Variants in SMYD5 observed in about 807,000 individuals in gnomAD.
SMYD5 encodes SMYD family member 5.
A neutral mutation model predicts 57.4 loss-of-function variants in SMYD5; 35 were observed. The ratio of observed to expected loss-of-function variants is 0.61; its 90% CI spans 0.47 to 0.81. The LOEUF (loss-of-function observed/expected upper bound fraction) is 0.81. SMYD5 is among the 30% of genes least tolerant of loss of function. SMYD5 has a pLI of 0.00. For missense variants in SMYD5, 471 were observed against 527.9 expected (o/e 0.89, Z 1.06); for synonymous variants, 198 against 189.7 (o/e 1.04, Z -0.36).
At chr2:73,225,044 A>C (rs909991745) in intron 11 of SMYD5, 84 bp downstream of exon 11, 1 of 975,066 alleles carries the variant, frequency 1.0e-6, no homozygotes, top group Non-Finnish European at 1.6e-6. Flanking sequence ...CAGTGGCTAG[A>C]GCACCTTGAA....
At chr2:73,223,395 C>T in intron 8 of SMYD5, 31 bp from the exon 9 acceptor site, 1 of 1,507,490 alleles carries the variant, frequency 6.6e-7, no homozygotes, top group Non-Finnish European at 9.2e-7. Flanking sequence ...GCTTCTGCCT[C>T]CCCAACCATG....
chr2:73,219,453 C>T (rs935839063), intron 2 of SMYD5, among the ~76,000 whole-genome samples: 1 of 152,188 alleles, frequency 6.6e-6, no homozygotes, highest in Non-Finnish European at 1.5e-5. Flanking sequence ...GCAATCTCGG[C>T]TCTCTGCAAC....
At position 73,215,397 on chromosome 2, in the gene SMYD5, T is replaced by A. The variant is rs116643476; in HGVS notation, c.96+1035T>A. Among the ~76,000 whole-genome samples the A allele has an allele frequency of 2.9e-3, 441 of 152,328 alleles. 1 individual carries two copies. The highest frequency in any genetic ancestry group is 0.01 in the African/African-American group (430 of 41,582). On this transcript the variant is annotated intron_variant, in intron 1 of 12. Transcript: ENST00000389501. ...ACCTCTAGTTGTCTGTTGTCTGCTC[T>A]CAGCGTCATCATATTGATCTAGTTT...
At chr2:73,219,146 T>G (rs551109295) in intron 2 of SMYD5, among the ~76,000 whole-genome samples, 177 bp downstream of exon 2, 3 of 152,226 alleles carry the variant, frequency 2.0e-5, no homozygotes, top group African/African-American at 7.2e-5. Context: ...TGTTTGAGGC[T>G]TATTCCTGTG....
At chr2:73,223,669 G>C in intron 9 of SMYD5, 137 bp downstream of exon 9, 1 of 714,038 alleles carries the variant, frequency 1.4e-6, no homozygotes. Flanking sequence ...GGGAGCTTCA[G>C]ATCTGTCCAC....
rs777117610 is a variant in SMYD5, at chr2:73,221,853, C to T, written c.565C>T (p.Leu189Phe). The T allele has an allele frequency of 1.2e-6, 2 of 1,613,904 alleles. No homozygotes were observed. Among genetic ancestry groups the T allele is most frequent in the South Asian group, 1.1e-5 (1 of 91,080 alleles). ...QAKDKDRWIR[L>F]FSQFCNKTAN... is the part of the protein sequence containing the mutation. Reference sequence around the variant, plus strand: ...GAAGGACAAGGACCGTTGGATCAGACTCTTTTCCCAGTTTTGTAACAAAAC... The same window carrying T: ...GAAGGACAAGGACCGTTGGATCAGATTCTTTTCCCAGTTTTGTAACAAAAC... Residue 189 changes from leucine (L) to phenylalanine (F), a missense_variant, in exon 6 of 13, where the codon CTC becomes TTC. Physicochemically the swap from Leu to Phe is conservative, Grantham distance 22. Coordinates refer to ENST00000389501, the MANE Select transcript of SMYD5 (RefSeq NM_006062.3).
At chr2:73,222,860 C>G in intron 7 of SMYD5, 43 bp downstream of exon 7, 1 of 1,587,568 alleles carries the variant, frequency 6.3e-7, no homozygotes, top group Non-Finnish European at 8.6e-7. Flanking sequence ...CTTGTTACTC[C>G]AGCTCTCCAG....
rs540787715 is a variant in SMYD5, at chr2:73,220,177, G to C, written c.332G>C (p.Cys111Ser). Reference protein sequence around the residue: ...CTVRKDLHQNCPHCQVMYCSA... With the variant: ...CTVRKDLHQNSPHCQVMYCSA... The stretch of plus-strand genomic sequence containing the variant: ...GTGCGCAAAGACCTCCACCAGAACT[G>C]TCCCCATTGCCAAGTGAGTATTCTT... Residue 111 changes from cysteine (C) to serine (S), a missense_variant, in exon 3 of 13, where the codon TGT becomes TCT. Coordinates refer to ENST00000389501, the MANE Select transcript of SMYD5 (RefSeq NM_006062.3). The C allele has an allele frequency of 6.2e-7, 1 of 1,614,114 alleles. No individual in the cohort carries two copies. Among genetic ancestry groups the C allele is most frequent in the African/African-American group, 1.3e-5 (1 of 75,042 alleles).
At chr2:73,219,857 T>G in intron 2 of SMYD5, 194 bp from the exon 3 acceptor site, 1 of 716,178 alleles carries the variant, frequency 1.4e-6, no homozygotes, top group Non-Finnish European at 2.5e-6. Flanking sequence ...GGGGATCATC[T>G]GCCTTGGGAT....
intron 1 of SMYD5, among the ~76,000 whole-genome samples, chr2:73,218,041 G>T (rs1387021099): frequency 1.3e-5 from 2 of 152,164 alleles, no homozygotes; most frequent in Non-Finnish European, 2.9e-5. Context: ...CAGGTCTGGG[G>T]TGGGGCCCAA....
chr2:73,216,900 A>G (rs994847375), intron 1 of SMYD5, among the ~76,000 whole-genome samples: 2 of 151,662 alleles, frequency 1.3e-5, no homozygotes, highest in Non-Finnish European at 2.9e-5. Flanking sequence ...TTTTTTTTCA[A>G]ATTGGAAGTA....
rs552117855 is a variant in SMYD5, at chr2:73,226,754, T to C, written c.*808T>C. On this transcript the variant is annotated 3_prime_UTR_variant, in exon 13 of 13. Transcript: ENST00000389501. ...AGCAGCATGGCTGAGACCTGGGGCT[T>C]GACAGGCCTGCGCTCCTTAGATTAG... The C allele has an allele frequency of 6.5e-6, 1 of 152,838 alleles. No individual in the cohort carries two copies. The highest frequency in any genetic ancestry group is 6.5e-5 in the Admixed American group (1 of 15,306). The allele number at this position is 152,838 out of a possible 1,614,324, so 9.5% of individuals were successfully genotyped here.
chr2:73,223,261 A>C, intron 8 of SMYD5, 155 bp downstream of exon 8: 1 of 843,340 alleles, frequency 1.2e-6, no homozygotes. Flanking sequence ...AGGCATTGGA[A>C]TCTGTTTTGG....
chr2:73,225,492 G>T, intron 11 of SMYD5, 139 bp from the exon 12 acceptor site: 1 of 764,552 alleles, frequency 1.3e-6, no homozygotes, highest in Non-Finnish European at 2.3e-6. Flanking sequence ...GATGAGGGCA[G>T]CCAGCCCCTT....
chr2:73,220,551 T>C (rs1202623739), intron 3 of SMYD5, 110 bp from the exon 4 acceptor site: 4 of 1,316,798 alleles, frequency 3.0e-6, no homozygotes, highest in Non-Finnish European at 4.3e-6. Flanking sequence ...TTTTCTCTTC[T>C]CATGATACAT....
intron 11 of SMYD5, 76 bp downstream of exon 11, chr2:73,225,036 G>C: frequency 4.5e-6 from 5 of 1,114,072 alleles, no homozygotes; most frequent in Middle Eastern, 2.4e-4. Flanking sequence ...AGGAGCAGCA[G>C]TGGCTAGAGC....
intron 1 of SMYD5, 114 bp downstream of exon 1, chr2:73,214,476 C>T (rs1686253677): frequency 2.6e-6 from 4 of 1,534,998 alleles, no homozygotes; most frequent in Non-Finnish European, 8.7e-7. Context: ...GACGCTACGG[C>T]CCTGCCCCTG....
Position 73,223,637 on chromosome 2 carries a change from A to T in SMYD5, c.883+105A>T, listed in dbSNP as rs553995348. Reference sequence around the variant, plus strand: ...GGTGCTCTGAATTAATGGTGGGGGAAGGTAATCCCTTTGTGCCTGTGGGGA... The same window carrying T: ...GGTGCTCTGAATTAATGGTGGGGGATGGTAATCCCTTTGTGCCTGTGGGGA... On this transcript the variant is annotated intron_variant, in intron 9 of 12. Coordinates refer to ENST00000389501, the MANE Select transcript of SMYD5 (RefSeq NM_006062.3). The T allele has an allele frequency of 8.4e-5, 69 of 823,148 alleles. No individual in the cohort carries two copies. The African/African-American group carries it at 9.2e-4, about 11-fold the overall frequency. The allele number at this position is 823,148 out of a possible 1,614,324, so 51.0% of individuals were successfully genotyped here. A position where few individuals can be genotyped will look rare whatever the true frequency, so the allele number is the denominator to read the frequency against.
chr2:73,223,511 C>CTA lies in SMYD5; in HGVS notation c.865_866dup (p.Lys290ThrfsTer102). 6.2e-7 allele frequency: 1 copy of CTA among 1,613,638 alleles called. No individual in the cohort carries two copies. Among genetic ancestry groups the CTA allele is most frequent in the Non-Finnish European group, 8.5e-7 (1 of 1,179,538 alleles). On this transcript the variant is annotated frameshift_variant, in exon 9 of 13. Coordinates refer to ENST00000389501, the MANE Select transcript of SMYD5 (RefSeq NM_006062.3). LOFTEE classifies it high-confidence loss of function. ...GCAGCTTGACGCCTTCATTGACCAG[C>CTA]TATACAAGGACATCGAGGCAGGTTG... is the stretch of plus-strand genomic sequence containing the variant.
Sources: gnomAD v4.1 joint callset for allele counts (sites outside exome capture counted in the v4.1 genomes callset) on GRCh38, gnomAD v4.1.1 for gene constraint, MANE v1.5 for transcripts, NCBI Gene and HGNC (gene_info 2026-07-23, HGNC 2026-07-21) for gene names.